The following NLGN4Y variants were observed in gnomAD, a reference collection of about 807,000 sequenced individuals.
The protein encoded by NLGN4Y is neuroligin 4 Y-linked.
Under a neutral mutation model 8.4 loss-of-function variants are expected in NLGN4Y, and 4 were observed. The ratio of observed to expected loss-of-function variants is 0.48; its 90% CI spans 0.23 to 1.09. NLGN4Y has a LOEUF of 1.09. Ranked by LOEUF, NLGN4Y falls within the 50% of genes least tolerant of loss-of-function variation. The pLI is 0.19. For synonymous variants in NLGN4Y, 35 were observed against 75.6 expected, an observed-to-expected ratio of 0.46 and a Z score of 2.78; for missense variants, 90 against 192.3, an observed-to-expected ratio of 0.47 and a Z score of 3.15.
At chrY:14,729,289 G>C in intron 4 of NLGN4Y, among the ~76,000 whole-genome samples, 1 of 33,198 alleles carries the variant, frequency 3.0e-5, no homozygotes, top group Non-Finnish European at 7.4e-5. Flanking sequence ...TTTTTCATTT[G>C]ATGGACATTT....
intron 1 of NLGN4Y, among the ~76,000 whole-genome samples, chrY:14,583,663 C>T: frequency 2.9e-5 from 1 of 33,944 alleles, no homozygotes; most frequent in Non-Finnish European, 7.3e-5. Context: ...ATTTCCTCAG[C>T]TAGGTTGCCT....
Position 14,845,110 on chromosome Y carries a change from A to T in NLGN4Y, c.*3848A>T. ...TATAGGCTACACATCGGTTTTGTGT[A>T]AGTATACTACATGATGTTTGCACAA... On this transcript the variant is annotated 3_prime_UTR_variant, in exon 7 of 7. Coordinates refer to ENST00000684976, the MANE Select transcript of NLGN4Y (RefSeq NM_001365588.1). 1 of 33,704 alleles carries T rather than the reference A, an allele frequency of 3.0e-5. No individual in the cohort carries two copies. The highest frequency in any genetic ancestry group is 1.2e-4 in the African/African-American group (1 of 8,676). The allele number at this position is 33,704 out of a possible 400,897, so 8.4% of individuals were successfully genotyped here. A position where few individuals can be genotyped will look rare whatever the true frequency, so the allele number is the denominator to read the frequency against.
chrY:14,722,637 G>A, intron 3 of NLGN4Y, among the ~76,000 whole-genome samples: 1 of 27,508 alleles, frequency 3.6e-5, no homozygotes, highest in African/African-American at 1.5e-4. Flanking sequence ...GGAGGCCGAG[G>A]CGGGCGGATC....
At chrY:14,637,859 TTTGTG>T (rs2080571765) in intron 2 of NLGN4Y, among the ~76,000 whole-genome samples, 1 of 29,357 alleles carries the variant, frequency 3.4e-5, no homozygotes, top group Non-Finnish European at 8.3e-5. Context: ...TTTTTTTTTT[TTTGTG>T]TGTGTGTGTG....
chrY:14,586,691 G>C (rs2080342983), intron 1 of NLGN4Y, among the ~76,000 whole-genome samples: 1 of 31,944 alleles, frequency 3.1e-5, no homozygotes, highest in African/African-American at 1.2e-4. Flanking sequence ...AGCTGGGAGT[G>C]GTGTTGCATG....
intron 1 of NLGN4Y, among the ~76,000 whole-genome samples, chrY:14,580,331 G>A: frequency 8.0e-5 from 2 of 24,851 alleles, no homozygotes; most frequent in Non-Finnish European, 1.7e-4. Context: ...ACATATTATG[G>A]TAGAATGATT....
chrY:14,760,379 G>A (rs755350715), intron 4 of NLGN4Y, among the ~76,000 whole-genome samples: 2 of 32,860 alleles, frequency 6.1e-5, no homozygotes, highest in Admixed American at 2.8e-4. Context: ...AGATTTACTA[G>A]TGATTAATTT....
chrY:14,689,454 A>G, intron 2 of NLGN4Y, among the ~76,000 whole-genome samples: 1 of 32,858 alleles, frequency 3.0e-5, no homozygotes, highest in Non-Finnish European at 7.5e-5. Context: ...ACAAGAGGAA[A>G]GCAATTCTGA....
chrY:14,742,495 C>T, intron 4 of NLGN4Y, among the ~76,000 whole-genome samples: 1 of 32,261 alleles, frequency 3.1e-5, no homozygotes, highest in South Asian at 6.8e-4. Flanking sequence ...AAGGCTAGTA[C>T]ACACACACAC....
At chrY:14,641,312 C>CA (rs781579827) in intron 2 of NLGN4Y, among the ~76,000 whole-genome samples, 7 of 31,345 alleles carry the variant, frequency 2.2e-4, no homozygotes, top group Admixed American at 1.8e-3. Flanking sequence ...ACTGTTATAT[C>CA]AAAAAAAAAG....
chrY:14,633,338 A>AT (rs2080554933), intron 2 of NLGN4Y, among the ~76,000 whole-genome samples: 1 of 33,429 alleles, frequency 3.0e-5, no homozygotes, highest in Admixed American at 2.7e-4. Flanking sequence ...CTATTTATTC[A>AT]TTTTTTATTT....
chrY:14,755,484 TA>T (rs2081053692), intron 4 of NLGN4Y, among the ~76,000 whole-genome samples: 1 of 33,331 alleles, frequency 3.0e-5, no homozygotes, highest in Non-Finnish European at 7.4e-5. Context: ...TCCTCTATCC[TA>T]AATTGTGCTT....
Position 14,845,017 on chromosome Y carries a change from CT to C in NLGN4Y, c.*3756del, listed in dbSNP as rs2043240676. 3.0e-5 allele frequency: 1 copy of C among 33,128 alleles called. No homozygotes were observed. The highest frequency in any genetic ancestry group is 7.5e-5 in the Non-Finnish European group (1 of 13,399). The allele number at this position is 33,128 out of a possible 400,897, so 8.3% of individuals were successfully genotyped here. ...GTGTTACAGTTGCCTAAGGTCTTCT[CT>C]CCAGTCACATGCTGTACAGGTTTGT... On this transcript the variant is annotated 3_prime_UTR_variant, in exon 7 of 7. Transcript: ENST00000684976.
At chrY:14,598,382 C>T (rs1487262174) in intron 1 of NLGN4Y, among the ~76,000 whole-genome samples, 18 of 33,894 alleles carry the variant, frequency 5.3e-4, no homozygotes, top group Non-Finnish European at 8.2e-4. Flanking sequence ...TCCAGCGCAG[C>T]GCCGGTGGGC....
chrY:14,796,783 CAA>C, intron 4 of NLGN4Y, among the ~76,000 whole-genome samples: 1 of 32,428 alleles, frequency 3.1e-5, no homozygotes, highest in African/African-American at 1.2e-4. Flanking sequence ...GAATTTTGGT[CAA>C]AGAGCATAAA....
intron 1 of NLGN4Y, among the ~76,000 whole-genome samples, chrY:14,542,346 T>C: frequency 6.0e-5 from 2 of 33,285 alleles, no homozygotes; most frequent in Admixed American, 5.4e-4. Flanking sequence ...CACACAGTAA[T>C]AGTGGGAGAC....
intron 6 of NLGN4Y, among the ~76,000 whole-genome samples, chrY:14,833,993 A>G (rs376579213): frequency 2.8e-3 from 78 of 27,574 alleles, no homozygotes; most frequent in African/African-American, 0.01. Flanking sequence ...GAGGCTGGCT[A>G]TGTCACTATT....
intron 1 of NLGN4Y, among the ~76,000 whole-genome samples, chrY:14,573,736 T>C: frequency 3.0e-5 from 1 of 33,647 alleles, no homozygotes; most frequent in Non-Finnish European, 7.4e-5. Context: ...GGGCATTTAG[T>C]GCTATAAATT....
intron 1 of NLGN4Y, among the ~76,000 whole-genome samples, chrY:14,536,536 C>T (rs2080135473): frequency 3.1e-5 from 1 of 32,394 alleles, no homozygotes; most frequent in Non-Finnish European, 7.5e-5. Flanking sequence ...CGTGAGCCAC[C>T]GCACCCAGCC....
Sources: gnomAD v4.1 joint callset for allele counts (sites outside exome capture counted in the v4.1 genomes callset) on GRCh38, gnomAD v4.1.1 for gene constraint, MANE v1.5 for transcripts, NCBI Gene and HGNC (gene_info 2026-07-23, HGNC 2026-07-21) for gene names.